The following DNAH14 variants were observed in gnomAD, a reference collection of about 807,000 sequenced individuals.
DNAH14 encodes axonemal beta dynein heavy chain 14.
A neutral mutation model predicts 520.9 loss-of-function variants in DNAH14; 478 were observed. The observed-to-expected ratio is 0.92, with a 90% CI of 0.85 to 0.99. The LOEUF (loss-of-function observed/expected upper bound fraction) is 0.99. Ranked by LOEUF, DNAH14 falls within the 50% of genes least tolerant of loss-of-function variation. The pLI, the probability that DNAH14 is intolerant of heterozygous loss-of-function variation, is 0.00. For missense variants in DNAH14, 4,831 were observed against 5,234.5 expected, an observed-to-expected ratio of 0.92 and a Z score of 2.38; for synonymous variants, 1,581 against 1,757.2, an observed-to-expected ratio of 0.90 and a Z score of 2.51.
chr1:225,359,400 A>G (rs937756029), intron 74 of DNAH14, among the ~76,000 whole-genome samples: 2 of 152,176 alleles, frequency 1.3e-5, no homozygotes, highest in African/African-American at 4.8e-5. Context: ...AAACTATCAA[A>G]AATTGTCCCT....
chr1:225,305,798 C>T (rs1221245789), intron 58 of DNAH14, among the ~76,000 whole-genome samples: 4 of 152,178 alleles, frequency 2.6e-5, no homozygotes, highest in African/African-American at 9.7e-5. Flanking sequence ...AAACCTGTCA[C>T]GTATCCAGCT....
intron 60 of DNAH14, among the ~76,000 whole-genome samples, chr1:225,309,922 T>A (rs1214911626): frequency 6.6e-6 from 1 of 151,986 alleles, no homozygotes; most frequent in Non-Finnish European, 1.5e-5. Flanking sequence ...ATATACCTAA[T>A]GCTAAATGGC....
chr1:225,138,943 T>C (rs1294154318), intron 27 of DNAH14, among the ~76,000 whole-genome samples: 1 of 152,134 alleles, frequency 6.6e-6, no homozygotes, highest in Non-Finnish European at 1.5e-5. Flanking sequence ...CTGCAGCTGC[T>C]TCTAATCGGT....
At chr1:225,350,451 T>A (rs2095349364) in intron 71 of DNAH14, among the ~76,000 whole-genome samples, 1 of 151,134 alleles carries the variant, frequency 6.6e-6, no homozygotes, top group Non-Finnish European at 1.5e-5. Flanking sequence ...AGAAAAAAAA[T>A]AAACAAAACT....
chr1:225,233,708 T>A (rs2091329242), intron 42 of DNAH14, among the ~76,000 whole-genome samples: 1 of 152,214 alleles, frequency 6.6e-6, no homozygotes, highest in Non-Finnish European at 1.5e-5. Context: ...ATGGATAGAC[T>A]GCAAAAATTT....
chr1:225,091,397 C>T (rs2148660398), intron 21 of DNAH14, among the ~76,000 whole-genome samples: 1 of 152,224 alleles, frequency 6.6e-6, no homozygotes, highest in South Asian at 2.1e-4. Flanking sequence ...AGTAGAAACC[C>T]TACAAGCCAA....
chr1:225,174,053 T>G (rs1257161572), intron 36 of DNAH14, among the ~76,000 whole-genome samples: 1 of 152,000 alleles, frequency 6.6e-6, no homozygotes, highest in Non-Finnish European at 1.5e-5. Context: ...TAGGTGGGAA[T>G]TGAACAATGA....
chr1:224,940,102 A>G (rs543542443), intron 1 of DNAH14, among the ~76,000 whole-genome samples: 1 of 152,324 alleles, frequency 6.6e-6, no homozygotes, highest in African/African-American at 2.4e-5. Flanking sequence ...GCTGGGCTGA[A>G]GTGAAGAAAG....
intron 43 of DNAH14, among the ~76,000 whole-genome samples, chr1:225,247,722 G>A (rs187875029): frequency 6.6e-6 from 1 of 152,172 alleles, no homozygotes; most frequent in East Asian, 1.9e-4. Context: ...ATCTACAAAG[G>A]AATAATAATT....
intron 36 of DNAH14, among the ~76,000 whole-genome samples, chr1:225,181,672 GTTTA>G (rs1021880041): frequency 2.6e-5 from 4 of 152,064 alleles, no homozygotes; most frequent in African/African-American, 7.2e-5. Flanking sequence ...TAATGGAGTT[GTTTA>G]TTTATTTATT....
chr1:225,259,293 T>TA, intron 46 of DNAH14, 40 bp downstream of exon 46: 2 of 1,322,008 alleles, frequency 1.5e-6, no homozygotes, highest in South Asian at 4.0e-5. Flanking sequence ...TGTCTGATTT[T>TA]AAAAAGTGTG....
At chr1:225,322,326 T>G (rs1330638789) in intron 61 of DNAH14, among the ~76,000 whole-genome samples, 1 of 151,948 alleles carries the variant, frequency 6.6e-6, no homozygotes, top group Admixed American at 6.6e-5. Flanking sequence ...TGACCCCAAG[T>G]GATCCGCCCG....
At chr1:225,279,645 G>A (rs1383463016) in intron 54 of DNAH14, among the ~76,000 whole-genome samples, 1 of 152,082 alleles carries the variant, frequency 6.6e-6, no homozygotes, top group African/African-American at 2.4e-5. Flanking sequence ...AGAACTACCA[G>A]AGGAAAACAA....
Position 225,369,685 on chromosome 1 carries a change from A to C in DNAH14, c.12318+1653A>C, listed in dbSNP as rs139873580. The stretch of plus-strand genomic sequence containing the variant: ...TAGATCGAGAGACTAACATCCCTCT[A>C]ATAAAAAGTACATATTTTTTCAGGT... On this transcript the variant is annotated intron_variant, in intron 77 of 85. Transcript: ENST00000682510. Among the ~76,000 whole-genome samples the C allele has an allele frequency of 6.5e-3, 991 of 152,232 alleles. 30 individuals carry two copies. The highest frequency in any genetic ancestry group is 3.7e-3 in the Non-Finnish European group (254 of 68,008).
intron 21 of DNAH14, among the ~76,000 whole-genome samples, chr1:225,090,817 C>G (rs1291103287): frequency 6.6e-6 from 1 of 152,070 alleles, no homozygotes; most frequent in Admixed American, 6.6e-5. Context: ...TTGCTTTAGG[C>G]AGATTTCTTC....
chr1:225,120,322 G>C (rs1183088129), intron 26 of DNAH14, among the ~76,000 whole-genome samples: 1 of 152,138 alleles, frequency 6.6e-6, no homozygotes, highest in Admixed American at 6.5e-5. Flanking sequence ...ATCAAGTGCA[G>C]GGCCAGCAAA....
intron 73 of DNAH14, chr1:225,354,385 C>A (rs2095407648): frequency 1.6e-6 from 1 of 639,552 alleles, no homozygotes; most frequent in Admixed American, 2.3e-5. Context: ...TTTTGCCCAG[C>A]ACCTCTATTT....
chr1:225,096,274 G>A (rs1254975389), intron 21 of DNAH14, among the ~76,000 whole-genome samples: 1 of 152,120 alleles, frequency 6.6e-6, no homozygotes, highest in Non-Finnish European at 1.5e-5. Context: ...GAGCCACCGT[G>A]CCTGGCCAAA....
At chr1:225,157,236 C>T (rs1485294979) in intron 34 of DNAH14, among the ~76,000 whole-genome samples, 1 of 152,082 alleles carries the variant, frequency 6.6e-6, no homozygotes, top group African/African-American at 2.4e-5. Flanking sequence ...GAAAGATTTT[C>T]TTGGCAACAT....
Sources: gnomAD v4.1 joint callset for allele counts (sites outside exome capture counted in the v4.1 genomes callset) on GRCh38, gnomAD v4.1.1 for gene constraint, MANE v1.5 for transcripts, NCBI Gene and HGNC (gene_info 2026-07-23, HGNC 2026-07-21) for gene names.